TP53BP1: variants seen among roughly 807,000 people sequenced by gnomAD.
The protein encoded by TP53BP1 is tumor protein p53 binding protein 1.
Under a neutral mutation model 200.8 loss-of-function variants are expected in TP53BP1, and 61 were observed. The observed-to-expected ratio is 0.30, with a 90% CI of 0.25 to 0.38. TP53BP1 has a LOEUF of 0.38. Among genes scored for constraint, TP53BP1 ranks in the 10% least tolerant of loss-of-function variants. The pLI, the probability that TP53BP1 is intolerant of heterozygous loss-of-function variation, is 1.00. For synonymous variants in TP53BP1, 822 were observed against 844.3 expected (o/e 0.97, Z 0.46); for missense variants, 2,144 against 2,371.9 (o/e 0.90, Z 2.00).
chr15:43,429,777 T>C (rs1038623947), intron 17 of TP53BP1, among the ~76,000 whole-genome samples: 7 of 152,214 alleles, frequency 4.6e-5, no homozygotes, highest in African/African-American at 1.7e-4. Flanking sequence ...GTCTAATGAA[T>C]GGTTAAAGCA....
Position 43,475,417 on chromosome 15 carries a change from C to T in TP53BP1, c.1085+148G>A, listed in dbSNP as rs1156501055. ...ACAGATTTATCTGCCTTCAACAGTT[C>T]TTCATCCCCAAAGCTCTAATGCATA... On this transcript the variant is annotated intron_variant, in intron 9 of 27. Coordinates refer to ENST00000382044, the MANE Select transcript of TP53BP1 (RefSeq NM_001141980.3). The T allele has an allele frequency of 5.7e-6, 5 of 875,834 alleles. No homozygotes were observed. In the Admixed American group the frequency reaches 1.3e-4, roughly 22 times the overall value. The allele number at this position is 875,834 out of a possible 1,614,324, so 54.3% of individuals were successfully genotyped here. A position where few individuals can be genotyped will look rare whatever the true frequency, so the allele number is the denominator to read the frequency against.
intron 4 of TP53BP1, among the ~76,000 whole-genome samples, chr15:43,490,318 C>T (rs960539881): frequency 3.3e-5 from 5 of 151,874 alleles, no homozygotes; most frequent in Non-Finnish European, 7.4e-5. Context: ...AAACTCCTGA[C>T]CTCAGGTGAT....
chr15:43,414,759 G>A (rs2045220905), intron 23 of TP53BP1, among the ~76,000 whole-genome samples: 1 of 151,808 alleles, frequency 6.6e-6, no homozygotes, highest in Non-Finnish European at 1.5e-5. Context: ...AGGATGGAGT[G>A]CCGTGGCGTG....
intron 11 of TP53BP1, among the ~76,000 whole-genome samples, chr15:43,458,025 T>C (rs1420040138): frequency 6.6e-6 from 1 of 151,514 alleles, no homozygotes; most frequent in African/African-American, 2.4e-5. Flanking sequence ...TCTCAAAAAA[T>C]AGTAATAATA....
At chr15:43,419,340 T>C (rs934763216) in intron 21 of TP53BP1, among the ~76,000 whole-genome samples, 5 of 152,030 alleles carry the variant, frequency 3.3e-5, no homozygotes, top group African/African-American at 1.2e-4. Context: ...TATGATAACA[T>C]GAGAAGGGCA....
At chr15:43,428,209 C>A in intron 17 of TP53BP1, 41 bp from the exon 18 acceptor site, 6 of 1,575,854 alleles carry the variant, frequency 3.8e-6, no homozygotes, top group Non-Finnish European at 5.2e-6. Flanking sequence ...GGTCTCACTG[C>A]AAGCTGTCAA....
At chr15:43,442,174 C>T (rs533832870) in intron 14 of TP53BP1, among the ~76,000 whole-genome samples, 71 of 150,972 alleles carry the variant, frequency 4.7e-4, no homozygotes, top group African/African-American at 1.6e-3. Context: ...CAAGCTCTGC[C>T]TCCCGGGTTC....
At chr15:43,455,869 G>T (rs1247285018) in intron 12 of TP53BP1, 23 bp downstream of exon 12, 4 of 1,610,218 alleles carry the variant, frequency 2.5e-6, no homozygotes, top group Admixed American at 3.4e-5. Context: ...GTGGAGACAA[G>T]AATAATCTAC....
chr15:43,504,680 G>A (rs2079226842), intron 1 of TP53BP1, among the ~76,000 whole-genome samples: 1 of 152,160 alleles, frequency 6.6e-6, no homozygotes, highest in Non-Finnish European at 1.5e-5. Flanking sequence ...ATACAAGAAT[G>A]AGAAAAAGGC....
chr15:43,468,514 T>C (rs1413475136), intron 11 of TP53BP1, among the ~76,000 whole-genome samples: 1 of 141,784 alleles, frequency 7.1e-6, no homozygotes, highest in African/African-American at 2.7e-5. Flanking sequence ...ACCACTGCAC[T>C]CCAGCCTGGG....
chr15:43,495,439 CA>C (rs576445332), upstream of TP53BP1, among the ~76,000 whole-genome samples: 4 of 150,532 alleles, frequency 2.7e-5, no homozygotes, highest in Non-Finnish European at 5.9e-5. Flanking sequence ...GCGTAGGTTA[CA>C]GTGAGCCGAG....
intron 14 of TP53BP1, among the ~76,000 whole-genome samples, chr15:43,445,063 C>T (rs1370309102): frequency 1.3e-5 from 2 of 152,108 alleles, no homozygotes; most frequent in African/African-American, 4.8e-5. Flanking sequence ...CAGGCCTCTC[C>T]CAGCCTAAAA....
At chr15:43,460,156 A>G (rs1201188096) in intron 11 of TP53BP1, among the ~76,000 whole-genome samples, 1 of 152,192 alleles carries the variant, frequency 6.6e-6, no homozygotes, top group East Asian at 1.9e-4. Context: ...TACAAAACTT[A>G]GCTGTTTTTA....
chr15:43,489,733 C>T (rs1055125616), intron 4 of TP53BP1, among the ~76,000 whole-genome samples: 4 of 152,194 alleles, frequency 2.6e-5, no homozygotes, highest in African/African-American at 4.8e-5. Context: ...TTCTAAAATT[C>T]TGTCAATTAA....
intron 18 of TP53BP1, among the ~76,000 whole-genome samples, chr15:43,425,840 C>T (rs952408808): frequency 6.6e-6 from 1 of 151,708 alleles, no homozygotes; most frequent in Non-Finnish European, 1.5e-5. Flanking sequence ...CTGAGGCAGG[C>T]GGATCACGAG....
chr15:43,483,233 AACACACACACAC>A lies in TP53BP1; in HGVS notation c.372-2223_372-2212del, dbSNP rs71431896. 8.3e-4 allele frequency among the ~76,000 whole-genome samples: 118 copies of A among 142,822 alleles called. 2 individuals are homozygous for A. In the South Asian group the frequency reaches 0.024, roughly 29 times the overall value. The allele number at this position is 142,822 out of a possible 152,430, so 93.7% of individuals were successfully genotyped here. A position where few individuals can be genotyped will look rare whatever the true frequency, so the allele number is the denominator to read the frequency against. ...ATTAATCCTCCCCAAAAAAGTACAG[AACACACACACAC>A]ACACACACACACACACACACACACA... is the stretch of plus-strand genomic sequence containing the variant. On this transcript the variant is annotated intron_variant, in intron 4 of 27. Transcript: ENST00000382044.
At chr15:43,413,869 C>G (rs973188746) in intron 23 of TP53BP1, among the ~76,000 whole-genome samples, 1 of 151,936 alleles carries the variant, frequency 6.6e-6, no homozygotes, top group Non-Finnish European at 1.5e-5. Context: ...CTGACCGTCA[C>G]CAGAATGGTG....
intron 18 of TP53BP1, 45 bp downstream of exon 18, chr15:43,427,971 A>AT: frequency 7.1e-7 from 1 of 1,409,568 alleles, no homozygotes; most frequent in South Asian, 1.5e-5. Context: ...AAAAAAAAAA[A>AT]AAGAAAGAAA....
At chr15:43,471,717 C>T (rs1406597111) in intron 10 of TP53BP1, among the ~76,000 whole-genome samples, 1 of 152,084 alleles carries the variant, frequency 6.6e-6, no homozygotes, top group African/African-American at 2.4e-5. Flanking sequence ...TGTGAGACAC[C>T]GTGCCCAGCC....
Sources: gnomAD v4.1 joint callset for allele counts (sites outside exome capture counted in the v4.1 genomes callset) on GRCh38, gnomAD v4.1.1 for gene constraint, MANE v1.5 for transcripts, NCBI Gene and HGNC (gene_info 2026-07-23, HGNC 2026-07-21) for gene names.